EXOC4: variants seen among roughly 807,000 people sequenced by gnomAD.
EXOC4 encodes SEC8-like 1.
In EXOC4, 71 loss-of-function variants were observed where a neutral mutation model predicts 107.2. The ratio of observed to expected loss-of-function variants is 0.66; its 90% CI spans 0.55 to 0.81. EXOC4 has a LOEUF of 0.81. EXOC4 is among the 30% of genes least tolerant of loss of function. The pLI, the probability that EXOC4 is intolerant of heterozygous loss-of-function variation, is 0.00. For missense variants in EXOC4, 1,108 were observed against 1,189.6 expected (o/e 0.93, Z 1.01); for synonymous variants, 456 against 441.2 (o/e 1.03, Z -0.42).
intron 5 of EXOC4, among the ~76,000 whole-genome samples, chr7:133,353,209 G>A (rs538484102): frequency 2.6e-5 from 4 of 152,096 alleles, no homozygotes; most frequent in East Asian, 3.9e-4. Flanking sequence ...TTGCCTAGAC[G>A]TTTATCTTTA....
chr7:133,620,357 A>G (rs1460314856), intron 9 of EXOC4, among the ~76,000 whole-genome samples: 1 of 152,120 alleles, frequency 6.6e-6, no homozygotes, highest in East Asian at 1.9e-4. Flanking sequence ...TTACTTAAAA[A>G]CAAAAAACCT....
At chr7:133,632,905 T>C (rs1184833911) in intron 10 of EXOC4, among the ~76,000 whole-genome samples, 1 of 152,032 alleles carries the variant, frequency 6.6e-6, no homozygotes, top group African/African-American at 2.4e-5. Context: ...ATTTGAAAGA[T>C]AGTGTAGCCT....
downstream of EXOC4, among the ~76,000 whole-genome samples, chr7:134,067,756 G>C (rs1410878036): frequency 1.3e-5 from 2 of 151,764 alleles, no homozygotes; most frequent in Non-Finnish European, 2.9e-5. Flanking sequence ...TTGCCTGTCA[G>C]TATACCTTCC....
intron 9 of EXOC4, among the ~76,000 whole-genome samples, chr7:133,616,608 G>A (rs1296271419): frequency 6.6e-6 from 1 of 151,852 alleles, no homozygotes; most frequent in Non-Finnish European, 1.5e-5. Context: ...GGTAATTTTT[G>A]TGACAATGAT....
intron 10 of EXOC4, among the ~76,000 whole-genome samples, chr7:133,805,006 T>C (rs1011689981): frequency 6.6e-6 from 1 of 152,198 alleles, no homozygotes; most frequent in Non-Finnish European, 1.5e-5. Flanking sequence ...TATTATTTAT[T>C]AAAACATTTA....
chr7:133,602,153 G>A (rs1801823476), intron 9 of EXOC4: 1 of 152,188 alleles, frequency 6.6e-6, no homozygotes, highest in Admixed American at 6.5e-5. Context: ...AAACAAATTT[G>A]TATCTATAGA....
chr7:133,874,704 T>A (rs891224679), intron 11 of EXOC4, among the ~76,000 whole-genome samples: 1 of 152,234 alleles, frequency 6.6e-6, no homozygotes, highest in Non-Finnish European at 1.5e-5. Flanking sequence ...AGCCTGCACA[T>A]AGCGGAACAA....
intron 1 of EXOC4, among the ~76,000 whole-genome samples, chr7:133,255,629 C>T (rs1047514723): frequency 1.3e-5 from 2 of 152,202 alleles, no homozygotes; most frequent in Admixed American, 6.5e-5. Context: ...GACCTTAAGA[C>T]CGAATGGTGT....
intron 14 of EXOC4, among the ~76,000 whole-genome samples, chr7:133,955,865 T>C (rs1800806701): frequency 6.6e-6 from 1 of 152,250 alleles, no homozygotes; most frequent in Admixed American, 6.5e-5. Context: ...GCCTCAACTT[T>C]GCTCTGAGAT....
chr7:133,253,327 C>A (rs1794936398), intron 1 of EXOC4, 140 bp downstream of exon 1: 7 of 1,421,792 alleles, frequency 4.9e-6, no homozygotes, highest in Non-Finnish European at 1.8e-6. Flanking sequence ...AGGGCTCTAA[C>A]CCCTCCCCAG....
chr7:134,009,749 G>A (rs1207649842), intron 17 of EXOC4: 1 of 152,128 alleles, frequency 6.6e-6, no homozygotes, highest in Non-Finnish European at 1.5e-5. Flanking sequence ...ATGCTCTAAG[G>A]AATATAATTC....
chr7:133,896,815 G>A (rs567005438), intron 12 of EXOC4, among the ~76,000 whole-genome samples: 5 of 136,372 alleles, frequency 3.7e-5, no homozygotes, highest in South Asian at 5.1e-4. Context: ...ACAGGTGCGC[G>A]CCACCATGTC....
intron 9 of EXOC4, chr7:133,576,708 C>T (rs1417960498): frequency 7.8e-7 from 1 of 1,289,732 alleles, no homozygotes; most frequent in Admixed American, 2.3e-5. Context: ...TCAATGAAGA[C>T]TTGTTGCCAA....
chr7:133,936,667 G>GT (rs1011958896), intron 13 of EXOC4, among the ~76,000 whole-genome samples: 19 of 151,854 alleles, frequency 1.3e-4, no homozygotes, highest in Non-Finnish European at 2.2e-4. Flanking sequence ...TTTTTGTTTT[G>GT]TTTTTTTGGA....
chr7:133,911,856 T>G (rs1799703410), intron 12 of EXOC4, among the ~76,000 whole-genome samples: 1 of 152,142 alleles, frequency 6.6e-6, no homozygotes, highest in Non-Finnish European at 1.5e-5. Flanking sequence ...TGACCTATAG[T>G]GTGGGTCTAA....
chr7:133,658,999 G>GTTTTTTTT (rs1442463291), intron 10 of EXOC4, among the ~76,000 whole-genome samples: 1 of 64,884 alleles, frequency 1.5e-5, no homozygotes, highest in African/African-American at 6.7e-5. Flanking sequence ...CTTCAGAGAA[G>GTTTTTTTT]CTTTTTTTTT....
At chr7:133,679,272 A>G (rs1430489614) in intron 10 of EXOC4, among the ~76,000 whole-genome samples, 1 of 152,204 alleles carries the variant, frequency 6.6e-6, no homozygotes, top group African/African-American at 2.4e-5. Context: ...TCAGAATTTT[A>G]TAGGGCCTTT....
intron 9 of EXOC4, among the ~76,000 whole-genome samples, chr7:133,571,722 G>T (rs1210857617): frequency 6.6e-6 from 1 of 152,066 alleles, no homozygotes; most frequent in Non-Finnish European, 1.5e-5. Context: ...TGTTCCAGAG[G>T]CTGGAAAGTC....
At chr7:134,079,674 A>C in the EXOC4 span, among the ~76,000 whole-genome samples, 3 of 152,174 alleles carry the variant, frequency 2.0e-5, no homozygotes, top group Non-Finnish European at 2.9e-5. Flanking sequence ...GTCCCTCATT[A>C]ATAAATGCCC....
Sources: allele counts gnomAD v4.1 joint callset (sites outside exome capture counted in the v4.1 genomes callset), GRCh38; gene constraint gnomAD v4.1.1; transcripts MANE v1.5; gene names NCBI Gene and HGNC (gene_info 2026-07-23, HGNC 2026-07-21).